GALNT13: variants seen among roughly 807,000 people sequenced by gnomAD.
The protein encoded by GALNT13 is polypeptide N-acetylgalactosaminyltransferase 13.
A neutral mutation model predicts 64.2 loss-of-function variants in GALNT13; 28 were observed. The observed-to-expected ratio is 0.44, with a 90% CI of 0.32 to 0.60. GALNT13 has a LOEUF of 0.60. Ranked by LOEUF, GALNT13 falls within the 20% of genes least tolerant of loss-of-function variation. GALNT13 has a pLI of 0.05. For missense variants in GALNT13, 577 were observed against 669.8 expected, an observed-to-expected ratio of 0.86 and a Z score of 1.53; for synonymous variants, 214 against 224.6, an observed-to-expected ratio of 0.95 and a Z score of 0.42.
chr2:153,404,480 TCTAATTTCAC>T, the GALNT13 span, among the ~76,000 whole-genome samples: 5 of 152,160 alleles, frequency 3.3e-5, no homozygotes, highest in African/African-American at 7.2e-5. Flanking sequence ...TTAGAAGCTT[TCTAATTTCAC>T]CTAATTGTGA....
chr2:153,114,788 T>A, the GALNT13 span, among the ~76,000 whole-genome samples: 1 of 152,068 alleles, frequency 6.6e-6, no homozygotes, highest in Non-Finnish European at 1.5e-5. Context: ...AGTTTACCAA[T>A]GAATTTCAAC....
At chr2:153,413,154 G>A in the GALNT13 span, among the ~76,000 whole-genome samples, 2 of 152,066 alleles carry the variant, frequency 1.3e-5, no homozygotes, top group African/African-American at 4.8e-5. Context: ...AAGGACACAG[G>A]CAGCCCAAGG....
At chr2:154,455,456 C>T (rs145328334), downstream of GALNT13, among the ~76,000 whole-genome samples, 12 of 152,260 alleles carry the variant, frequency 7.9e-5, no homozygotes, top group East Asian at 2.3e-3. Flanking sequence ...TGGCTGATAT[C>T]TGCTGCAAAT....
intron 10 of GALNT13, among the ~76,000 whole-genome samples, chr2:154,400,263 T>TATTAAGAA (rs1332592497): frequency 7.2e-5 from 11 of 152,154 alleles, no homozygotes; most frequent in Non-Finnish European, 5.9e-5. Flanking sequence ...ATAATTAGAG[T>TATTAAGAA]CCCAAAGCAA....
chr2:153,862,791 T>C, the GALNT13 span, among the ~76,000 whole-genome samples: 2 of 152,188 alleles, frequency 1.3e-5, no homozygotes, highest in African/African-American at 4.8e-5. Flanking sequence ...ATTAATGGAC[T>C]GTTACGCATT....
chr2:154,211,096 T>A (rs1382634936), intron 4 of GALNT13, among the ~76,000 whole-genome samples: 1 of 151,698 alleles, frequency 6.6e-6, no homozygotes, highest in African/African-American at 2.4e-5. Flanking sequence ...TAGAAATGTG[T>A]GAGTTTTCAA....
chr2:153,988,978 T>G (rs1400288182), intron 3 of GALNT13, among the ~76,000 whole-genome samples: 1 of 151,892 alleles, frequency 6.6e-6, no homozygotes, highest in Non-Finnish European at 1.5e-5. Context: ...ATAATTTATG[T>G]CAAATTTTGT....
In GALNT13 at chr2:154,060,237, C is replaced by T. The variant is rs556115965; in HGVS notation, c.143-80100C>T. Among the ~76,000 whole-genome samples, 71 of 152,316 alleles carry T rather than the reference C, an allele frequency of 4.7e-4. 1 individual carries two copies. Among genetic ancestry groups the T allele is most frequent in the Admixed American group, 4.4e-3 (68 of 15,296 alleles). ...ATAAATGTTGTTTAAGCCACCCAGGCTATGCTACTTTGTTGTAATAGCTTG... is the reference window on the plus strand; with the variant it reads ...ATAAATGTTGTTTAAGCCACCCAGGTTATGCTACTTTGTTGTAATAGCTTG... On this transcript the variant is annotated intron_variant, in intron 3 of 12. Coordinates refer to ENST00000392825, the MANE Select transcript of GALNT13 (RefSeq NM_052917.4).
chr2:154,035,848 G>T lies in GALNT13; in HGVS notation c.142+91209G>T, dbSNP rs184309699. Among the ~76,000 whole-genome samples, 5 of 152,026 alleles carry T rather than the reference G, an allele frequency of 3.3e-5. No homozygotes were observed. In the East Asian group the frequency reaches 9.7e-4, roughly 29 times the overall value. ...CATTGTTATATTATGAATATGGATT[G>T]AACACTCATTAATAGGAGAGAGAGG... On this transcript the variant is annotated intron_variant, in intron 3 of 12. Transcript: ENST00000392825.
the GALNT13 span, among the ~76,000 whole-genome samples, chr2:153,748,190 T>C: frequency 6.6e-6 from 1 of 152,178 alleles, no homozygotes. Flanking sequence ...TTCAACACTA[T>C]TATGAATTTG....
the GALNT13 span, among the ~76,000 whole-genome samples, chr2:153,862,833 T>A: frequency 6.6e-6 from 1 of 152,108 alleles, no homozygotes; most frequent in African/African-American, 2.4e-5. Context: ...ATATGTTATA[T>A]GCTTATATTT....
the GALNT13 span, among the ~76,000 whole-genome samples, chr2:153,807,486 G>A: frequency 7.9e-5 from 12 of 151,726 alleles, no homozygotes; most frequent in Non-Finnish European, 1.8e-4. Flanking sequence ...ATTAGATATT[G>A]TATATGTATA....
chr2:153,954,727 A>T (rs1692445333), intron 3 of GALNT13, among the ~76,000 whole-genome samples: 1 of 151,994 alleles, frequency 6.6e-6, no homozygotes, highest in Non-Finnish European at 1.5e-5. Context: ...TACTATTATT[A>T]TACCCATTTA....
the GALNT13 span, among the ~76,000 whole-genome samples, chr2:153,439,658 C>G: frequency 1.3e-5 from 2 of 152,172 alleles, no homozygotes; most frequent in Non-Finnish European, 2.9e-5. Context: ...GTTTGTTAAG[C>G]CTGTTGGAAA....
chr2:153,847,104 G>GA, the GALNT13 span, among the ~76,000 whole-genome samples: 647 of 151,862 alleles, frequency 4.3e-3, no homozygotes, highest in Admixed American at 8.3e-3. Context: ...AATTAATATA[G>GA]AAAAAAGCAG....
intron 8 of GALNT13, among the ~76,000 whole-genome samples, chr2:154,292,533 T>A (rs542370202): frequency 6.6e-6 from 1 of 152,312 alleles, no homozygotes. Flanking sequence ...TGGGCTAGAT[T>A]CTTCTAGTTT....
At chr2:153,645,929 C>G in the GALNT13 span, among the ~76,000 whole-genome samples, 1 of 152,030 alleles carries the variant, frequency 6.6e-6, no homozygotes, top group Non-Finnish European at 1.5e-5. Context: ...CAAAATGTTA[C>G]TAAAATTTTA....
intron 8 of GALNT13, among the ~76,000 whole-genome samples, chr2:154,272,729 T>C (rs1227948031): frequency 1.3e-5 from 2 of 152,168 alleles, no homozygotes; most frequent in East Asian, 1.9e-4. Context: ...ATTATCCTGC[T>C]GATTTACATT....
At chr2:154,383,389 T>A (rs913980679) in intron 9 of GALNT13, among the ~76,000 whole-genome samples, 1 of 151,916 alleles carries the variant, frequency 6.6e-6, no homozygotes, top group African/African-American at 2.4e-5. Context: ...ATAAAGAACA[T>A]TCCTGCTGAA....
Sources: allele counts gnomAD v4.1 joint callset (sites outside exome capture counted in the v4.1 genomes callset), GRCh38; gene constraint gnomAD v4.1.1; transcripts MANE v1.5; gene names NCBI Gene and HGNC (gene_info 2026-07-23, HGNC 2026-07-21).